The following TMEM132B variants were observed in gnomAD, a reference collection of about 807,000 sequenced individuals.
The protein encoded by TMEM132B is transmembrane protein 132B.
Under a neutral mutation model 90.8 loss-of-function variants are expected in TMEM132B, and 18 were observed. The ratio of observed to expected loss-of-function variants is 0.20; its 90% confidence interval spans 0.14 to 0.29. TMEM132B has a LOEUF of 0.29. Among genes scored for constraint, TMEM132B ranks in the 10% least tolerant of loss-of-function variants. TMEM132B has a pLI of 1.00. For missense variants in TMEM132B, 1,096 were observed against 1,326.8 expected, an observed-to-expected ratio of 0.83 and a Z score of 2.70; for synonymous variants, 504 against 523.3, an observed-to-expected ratio of 0.96 and a Z score of 0.50.
Position 125,498,515 on chromosome 12 carries a change from G to A in TMEM132B, c.1107-20924G>A, listed in dbSNP as rs139699554. Among the ~76,000 whole-genome samples, 115 of 152,310 alleles carry A rather than the reference G, an allele frequency of 7.6e-4. No individual in the cohort carries two copies. Among genetic ancestry groups the A allele is most frequent in the African/African-American group, 2.7e-3 (113 of 41,558 alleles). ...ATATCTGACTTCCTAGCAGAGAAAT[G>A]TCTGTGATTACATAATAGGACATTG... On this transcript the variant is annotated intron_variant, in intron 3 of 8. Transcript: ENST00000682704. This position sits in a 1 kb window ranked among gnomAD's most constrained non-coding sequence, Gnocchi z 4.5.
chr12:125,563,161 A>C (rs1387750478), intron 4 of TMEM132B, among the ~76,000 whole-genome samples: 1 of 148,214 alleles, frequency 6.7e-6, no homozygotes, highest in African/African-American at 2.5e-5. Flanking sequence ...TAATAATAAT[A>C]ATAATAATAA....
chr12:125,231,210 T>C (rs1041566985), intron 1 of TMEM132B, among the ~76,000 whole-genome samples: 2 of 135,196 alleles, frequency 1.5e-5, no homozygotes, highest in Admixed American at 1.4e-4. Context: ...CTGTCTTCCG[T>C]GTGTGTGTGT....
intron 2 of TMEM132B, among the ~76,000 whole-genome samples, chr12:125,354,000 A>G (rs1000103268): frequency 6.6e-6 from 1 of 152,178 alleles, no homozygotes; most frequent in Non-Finnish European, 1.5e-5. Flanking sequence ...AGCCTCCTGG[A>G]AATAGCATCC....
chr12:125,308,847 GC>G (rs750822405), intron 1 of TMEM132B, among the ~76,000 whole-genome samples: 1 of 151,990 alleles, frequency 6.6e-6, no homozygotes, highest in Non-Finnish European at 1.5e-5. Flanking sequence ...TCTCCCAGAG[GC>G]AAATATGATC....
intron 2 of TMEM132B, among the ~76,000 whole-genome samples, chr12:125,382,912 G>A (rs752568570): frequency 5.3e-5 from 8 of 152,200 alleles, no homozygotes; most frequent in African/African-American, 1.4e-4. Context: ...TGGAGACATA[G>A]GAGACATAGA....
intron 3 of TMEM132B, among the ~76,000 whole-genome samples, chr12:125,515,473 A>T (rs1883111262): frequency 8.8e-6 from 1 of 113,982 alleles, no homozygotes; most frequent in Non-Finnish European, 1.6e-5. Flanking sequence ...AAACACATTC[A>T]CACATTGTCA....
intron 1 of TMEM132B, among the ~76,000 whole-genome samples, chr12:125,282,391 G>T (rs78789819): frequency 0.04 from 6,164 of 152,208 alleles, 386 homozygotes; most frequent in African/African-American, 0.14. Flanking sequence ...AGACTGCCCT[G>T]CAGGGAAGCT....
chr12:125,640,929 GACACAC>G (rs60088908), intron 5 of TMEM132B, among the ~76,000 whole-genome samples: 2 of 149,432 alleles, frequency 1.3e-5, no homozygotes, highest in African/African-American at 2.5e-5. Context: ...AGGAGAAATA[GACACAC>G]ACACACACAC....
intron 1 of TMEM132B, among the ~76,000 whole-genome samples, chr12:125,302,342 G>A (rs1009987211): frequency 2.6e-5 from 4 of 151,906 alleles, no homozygotes; most frequent in Admixed American, 2.6e-4. Flanking sequence ...TCCAGCCTGG[G>A]TGAAAGAATC....
intron 1 of TMEM132B, among the ~76,000 whole-genome samples, chr12:125,337,832 A>G (rs1297394284): frequency 6.6e-6 from 1 of 152,230 alleles, no homozygotes; most frequent in Admixed American, 6.5e-5. Context: ...ATGGTACAGA[A>G]TAACTTTGAA....
At chr12:125,556,504 C>G (rs1437734310) in intron 4 of TMEM132B, among the ~76,000 whole-genome samples, 1 of 152,232 alleles carries the variant, frequency 6.6e-6, no homozygotes, top group East Asian at 1.9e-4. Flanking sequence ...GTGTCTTCCA[C>G]TTGAAGAGTG....
chr12:125,578,459 G>C (rs1486762858), intron 4 of TMEM132B, among the ~76,000 whole-genome samples: 1 of 152,092 alleles, frequency 6.6e-6, no homozygotes, highest in Non-Finnish European at 1.5e-5. Context: ...AAATAAGATA[G>C]AAGAAATGTA....
chr12:125,268,111 T>C (rs1230815267), intron 1 of TMEM132B, among the ~76,000 whole-genome samples: 1 of 152,002 alleles, frequency 6.6e-6, no homozygotes, highest in African/African-American at 2.4e-5. Context: ...CAACGAAAAA[T>C]AAAGGCTGCT....
Position 125,656,848 on chromosome 12 carries a change from C to T in TMEM132B, c.*2138C>T, listed in dbSNP as rs2137064264. 6.6e-6 allele frequency: 1 copy of T among 152,368 alleles called. No homozygotes were observed. Among genetic ancestry groups the T allele is most frequent in the East Asian group, 1.9e-4 (1 of 5,178 alleles). 9.4% of individuals were successfully genotyped at this position (152,368 alleles called of 1,614,324 possible). ...ATCGTCTCTCCCTTTGGATCTCTGGCATTCCAGAAAGACTGGGAATTCATT... is the reference window on the plus strand; with the variant it reads ...ATCGTCTCTCCCTTTGGATCTCTGGTATTCCAGAAAGACTGGGAATTCATT... On this transcript the variant is annotated 3_prime_UTR_variant, in exon 9 of 9. Coordinates refer to ENST00000682704, the MANE Select transcript of TMEM132B (RefSeq NM_001366854.1).
chr12:125,193,227 G>A (rs1872843352), intron 1 of TMEM132B, among the ~76,000 whole-genome samples: 1 of 152,216 alleles, frequency 6.6e-6, no homozygotes, highest in African/African-American at 2.4e-5. Context: ...GGGGTAGGAT[G>A]TGTCCTCAGA....
chr12:125,199,294 A>C (rs1427284009), intron 1 of TMEM132B, among the ~76,000 whole-genome samples: 1 of 152,176 alleles, frequency 6.6e-6, no homozygotes, highest in Non-Finnish European at 1.5e-5. Context: ...TGCAGGGCTG[A>C]TGGAAAAGGA....
intron 5 of TMEM132B, among the ~76,000 whole-genome samples, chr12:125,626,085 A>AT (rs970974035): frequency 2.6e-5 from 4 of 151,368 alleles, no homozygotes; most frequent in African/African-American, 9.7e-5. Context: ...ATAATTAGCT[A>AT]TTTTTTCAGA....
chr12:125,591,489 TG>T (rs534596504), intron 5 of TMEM132B, among the ~76,000 whole-genome samples: 43 of 152,290 alleles, frequency 2.8e-4, no homozygotes, highest in African/African-American at 1.0e-3. Flanking sequence ...GTGATTACTT[TG>T]GGGGCCACAA....
At chr12:125,417,219 A>G (rs182214907) in intron 3 of TMEM132B, among the ~76,000 whole-genome samples, 4,893 of 151,822 alleles carry the variant, frequency 0.032, 112 homozygotes, top group Middle Eastern at 0.055. Context: ...TGGAAGGGGG[A>G]GGCGGGGGGT....
Sources: gnomAD v4.1 joint callset for allele counts (sites outside exome capture counted in the v4.1 genomes callset) on GRCh38, gnomAD v4.1.1 for gene constraint, Gnocchi (gnomAD v3.1) non-coding constraint, MANE v1.5 for transcripts, NCBI Gene and HGNC (gene_info 2026-07-23, HGNC 2026-07-21) for gene names.